Variants in LARGE1 observed in about 807,000 individuals in gnomAD.
LARGE1 encodes LARGE xylosyl- and glucuronyltransferase 1, also known as xylosyl- and glucuronyltransferase LARGE1.
LARGE1 carries 43 observed loss-of-function variants against 87.6 expected under a neutral mutation model. That is an observed-to-expected ratio of 0.49 (90% CI 0.38 to 0.63). The LOEUF is 0.63. LARGE1 is among the 30% of genes least tolerant of loss of function. The pLI is 0.00. For synonymous variants in LARGE1, 434 were observed against 394.6 expected, an observed-to-expected ratio of 1.10 and a Z score of -1.18; for missense variants, 802 against 1,000.2, an observed-to-expected ratio of 0.80 and a Z score of 2.67.
intron 12 of LARGE1, among the ~76,000 whole-genome samples, chr22:33,289,899 C>T (rs1477548035): frequency 6.6e-6 from 1 of 152,066 alleles, no homozygotes; most frequent in African/African-American, 2.4e-5. Context: ...TAGTTCGTAT[C>T]CTCTTTTGCT....
rs551051209 is a variant in LARGE1, at chr22:33,412,551, A to G, written c.892+19610T>C. On this transcript the variant is annotated intron_variant, in intron 7 of 14. Coordinates refer to ENST00000397394, the MANE Select transcript of LARGE1 (RefSeq NM_133642.5). ...AAACAACCTTAGAAGCACAGAGAGT[A>G]AAGTGATTAGGAATTAACAAGTTTT... 2.0e-5 allele frequency among the ~76,000 whole-genome samples: 3 copies of G among 152,338 alleles called. No individual in the cohort carries two copies. The South Asian group carries it at 6.2e-4, about 32-fold the overall frequency.
At chr22:33,071,197 A>C in the LARGE1 span, among the ~76,000 whole-genome samples, 1 of 152,138 alleles carries the variant, frequency 6.6e-6, no homozygotes, top group Non-Finnish European at 1.5e-5. Flanking sequence ...AAGGTTTTTG[A>C]CCATGAGAAC....
intron 11 of LARGE1, among the ~76,000 whole-genome samples, chr22:33,233,265 G>T (rs1486098583): frequency 6.6e-6 from 1 of 152,056 alleles, no homozygotes; most frequent in Non-Finnish European, 1.5e-5. Context: ...AGCAGCCTAG[G>T]TGGTGGTGGT....
chr22:33,890,004 C>A (rs868069991), intron 1 of LARGE1, among the ~76,000 whole-genome samples: 10 of 152,218 alleles, frequency 6.6e-5, no homozygotes, highest in Admixed American at 3.3e-4. Context: ...TTCTGCCCCC[C>A]ATAAGTGGGG....
At chr22:33,164,835 A>T (rs1922180506) in exon 12 of LARGE1, 1 of 152,192 alleles carries the variant, frequency 6.6e-6, no homozygotes, top group Non-Finnish European at 1.5e-5. Context: ...GAATTAAAAA[A>T]AAAAAATTAC....
chr22:33,632,807 C>T (rs375961260), intron 3 of LARGE1, among the ~76,000 whole-genome samples: 16 of 152,178 alleles, frequency 1.1e-4, no homozygotes, highest in African/African-American at 3.9e-4. Context: ...GGAAACGGCA[C>T]CAATGTAACA....
intron 2 of LARGE1, among the ~76,000 whole-genome samples, chr22:33,708,623 C>G (rs569343354): frequency 6.6e-6 from 1 of 152,206 alleles, no homozygotes; most frequent in Non-Finnish European, 1.5e-5. Context: ...GTGTAGGAGA[C>G]AGAGTCTCGC....
intron 1 of LARGE1, among the ~76,000 whole-genome samples, chr22:33,769,118 A>G (rs2084990702): frequency 6.6e-6 from 1 of 152,214 alleles, no homozygotes; most frequent in Non-Finnish European, 1.5e-5. Context: ...AAGAGATGAA[A>G]GCAGAGTTTC....
intron 5 of LARGE1, among the ~76,000 whole-genome samples, chr22:33,591,348 G>A (rs2078833922): frequency 1.3e-5 from 2 of 152,134 alleles, no homozygotes; most frequent in African/African-American, 4.8e-5. Context: ...CATTGTAGTG[G>A]GTGTGAAGTG....
At chr22:33,349,962 C>T (rs1940201025) in intron 9 of LARGE1, among the ~76,000 whole-genome samples, 1 of 152,228 alleles carries the variant, frequency 6.6e-6, no homozygotes, top group Non-Finnish European at 1.5e-5. Flanking sequence ...AAAATGTAGA[C>T]ACTTAGGCCA....
At chr22:33,919,438 A>C (rs73154568) in intron 1 of LARGE1, among the ~76,000 whole-genome samples, 15,742 of 152,302 alleles carry the variant, frequency 0.1, 904 homozygotes, top group African/African-American at 0.16. Flanking sequence ...AGCAGCTTTG[A>C]CTAACAGGAA....
At chr22:33,562,522 C>T (rs1353420394) in intron 6 of LARGE1, among the ~76,000 whole-genome samples, 6 of 152,184 alleles carry the variant, frequency 3.9e-5, no homozygotes. Context: ...AACTCAGCTC[C>T]TTGCATTCAA....
intron 7 of LARGE1, among the ~76,000 whole-genome samples, chr22:33,419,313 G>A (rs921602288): frequency 1.3e-5 from 2 of 151,812 alleles, no homozygotes; most frequent in African/African-American, 4.8e-5. Context: ...GATGAGATCT[G>A]GGTGGAGACA....
chr22:33,826,373 C>T (rs113313603), intron 1 of LARGE1, among the ~76,000 whole-genome samples: 2 of 143,138 alleles, frequency 1.4e-5, no homozygotes, highest in Admixed American at 7.1e-5. Flanking sequence ...GATGGAGTCT[C>T]GCTCTGTCGC....
intron 1 of LARGE1, among the ~76,000 whole-genome samples, chr22:33,791,513 C>A (rs529190878): frequency 6.6e-6 from 1 of 152,254 alleles, no homozygotes; most frequent in Non-Finnish European, 1.5e-5. Context: ...AATCATTATG[C>A]CTCTTTGGTT....
chr22:33,294,155 G>T (rs1932930293), intron 12 of LARGE1, among the ~76,000 whole-genome samples: 1 of 152,256 alleles, frequency 6.6e-6, no homozygotes, highest in Non-Finnish European at 1.5e-5. Flanking sequence ...CTGCCACTCA[G>T]GTTTCCACGC....
chr22:33,120,395 TTTCTTTCTTTCTTTCC>T, the LARGE1 span, among the ~76,000 whole-genome samples: 12 of 97,968 alleles, frequency 1.2e-4, no homozygotes, highest in East Asian at 1.7e-3. Flanking sequence ...TCTTTCTTTC[TTTCTTTCTTTCTTTCC>T]TTCTTTCTTT....
intron 1 of LARGE1, among the ~76,000 whole-genome samples, chr22:33,816,840 T>C (rs2086668244): frequency 1.3e-5 from 2 of 152,116 alleles, no homozygotes; most frequent in South Asian, 2.1e-4. Flanking sequence ...GCAGTGTTCA[T>C]TCTCAATCAT....
intron 4 of LARGE1, among the ~76,000 whole-genome samples, chr22:33,622,690 C>T (rs1369767545): frequency 3.9e-5 from 6 of 152,202 alleles, no homozygotes; most frequent in African/African-American, 1.2e-4. Context: ...TGTAAGCCCC[C>T]AGTTAAACCC....
Sources: allele counts gnomAD v4.1 joint callset (sites outside exome capture counted in the v4.1 genomes callset), GRCh38; gene constraint gnomAD v4.1.1; transcripts MANE v1.5; gene names NCBI Gene and HGNC (gene_info 2026-07-23, HGNC 2026-07-21).